Variants in DGKB observed in about 807,000 individuals in gnomAD.
DGKB encodes the protein 90 kDa diacylglycerol kinase.
DGKB carries 67 observed loss-of-function variants against 114.3 expected under a neutral mutation model. That is an observed-to-expected ratio of 0.59 (90% confidence interval 0.48 to 0.72). The LOEUF (loss-of-function observed/expected upper bound fraction) is 0.72, where lower values mean the gene tolerates loss of function less well. DGKB is among the 30% of genes least tolerant of loss of function. DGKB has a pLI of 0.00. For missense variants in DGKB, 907 were observed against 975.2 expected (o/e 0.93, Z 0.93); for synonymous variants, 398 against 323.1 (o/e 1.23, Z -2.49).
intron 1 of DGKB, among the ~76,000 whole-genome samples, chr7:14,916,371 T>C (rs754808224): frequency 1.3e-5 from 2 of 152,214 alleles, no homozygotes; most frequent in South Asian, 4.1e-4. Flanking sequence ...ATTTTTAATA[T>C]GATTGATCTA....
At chr7:14,694,348 G>T (rs545393029) in intron 8 of DGKB, among the ~76,000 whole-genome samples, 154 bp from the exon 9 acceptor site, 1 of 152,182 alleles carries the variant, frequency 6.6e-6, no homozygotes, top group African/African-American at 2.4e-5. Flanking sequence ...CTGATGAAGA[G>T]CGACTTTGTT....
chr7:14,247,865 T>A (rs1406495733), intron 23 of DGKB, among the ~76,000 whole-genome samples: 1 of 152,146 alleles, frequency 6.6e-6, no homozygotes, highest in Non-Finnish European at 1.5e-5. Flanking sequence ...ATATCACTTG[T>A]CTATTTTTGT....
upstream of DGKB, chr7:14,903,428 G>A (rs1390290964): frequency 6.6e-6 from 1 of 152,260 alleles, no homozygotes; most frequent in Non-Finnish European, 1.5e-5. Context: ...GGGAGGAGAC[G>A]GTGCAGGTGA....
intron 23 of DGKB, among the ~76,000 whole-genome samples, chr7:14,245,472 C>G (rs1794334011): frequency 1.3e-5 from 2 of 152,126 alleles, no homozygotes. Flanking sequence ...GAGGTAGATT[C>G]TAGCCAAGAG....
At chr7:14,919,095 A>ACACACACACAAAC (rs1554345122) in intron 1 of DGKB, among the ~76,000 whole-genome samples, 32 of 114,966 alleles carry the variant, frequency 2.8e-4, no homozygotes, top group African/African-American at 1.0e-3. Context: ...CACACACACA[A>ACACACACACAAAC]ACACACACAC....
chr7:14,955,013 G>C lies in DGKB; in HGVS notation c.-188+19683C>G, dbSNP rs1562901453. On this transcript the variant is annotated intron_variant, in intron 1 of 4. Transcript: ENST00000437998. The stretch of plus-strand genomic sequence containing the variant: ...GATTTGGAAAAGGAAGAGTACAATA[G>C]AGGAGACAAGAGAATCAGCTAAGGA... 3.3e-5 allele frequency among the ~76,000 whole-genome samples: 5 copies of C among 152,164 alleles called. No homozygotes were observed. The South Asian group carries it at 8.3e-4, about 25-fold the overall frequency.
chr7:14,787,725 TC>T (rs1210872675), intron 2 of DGKB, among the ~76,000 whole-genome samples: 2 of 152,198 alleles, frequency 1.3e-5, no homozygotes, highest in South Asian at 2.1e-4. Context: ...TTGAGAGGCC[TC>T]CCTCCTCCAG....
intron 21 of DGKB, among the ~76,000 whole-genome samples, chr7:14,475,695 CA>C (rs1414534983): frequency 1.3e-5 from 2 of 151,954 alleles, no homozygotes; most frequent in African/African-American, 4.8e-5. Context: ...ATTCATGACT[CA>C]AATTTGCAAA....
chr7:14,229,255 A>G (rs995398322), intron 23 of DGKB, among the ~76,000 whole-genome samples: 2 of 151,968 alleles, frequency 1.3e-5, no homozygotes, highest in African/African-American at 4.8e-5. Context: ...GCTCAACAAC[A>G]GGGATACATT....
At chr7:14,880,892 G>T (rs1356960505) in intron 1 of DGKB, among the ~76,000 whole-genome samples, 4 of 151,880 alleles carry the variant, frequency 2.6e-5, no homozygotes, top group Non-Finnish European at 4.4e-5. Context: ...ATGTTTATTT[G>T]CTCGTTTCCA....
chr7:14,298,133 A>T (rs1423512926), intron 23 of DGKB, among the ~76,000 whole-genome samples: 2 of 152,200 alleles, frequency 1.3e-5, no homozygotes, highest in Non-Finnish European at 2.9e-5. Flanking sequence ...ATACTGCCCA[A>T]AGTAATTTAT....
intron 23 of DGKB, among the ~76,000 whole-genome samples, chr7:14,275,588 T>C (rs936132149): frequency 2.0e-5 from 3 of 152,182 alleles, no homozygotes; most frequent in Non-Finnish European, 2.9e-5. Context: ...TAGCGCCAAT[T>C]CACATAGGGT....
chr7:14,634,648 A>G (rs767771710), intron 13 of DGKB, among the ~76,000 whole-genome samples: 22 of 151,550 alleles, frequency 1.5e-4, no homozygotes, highest in Non-Finnish European at 2.4e-4. Flanking sequence ...AGAGACAGAG[A>G]AAAAAAACTA....
rs1824510281 is a variant in DGKB, at chr7:14,409,535, G to A, written c.1836-64144C>T. The stretch of plus-strand genomic sequence containing the variant: ...ATCCTGGCTAACAAGGTGAAACCCC[G>A]TCTCTACTAAAAATACAAAAAATTA... On this transcript the variant is annotated intron_variant, in intron 21 of 25. Transcript: ENST00000402815. Among the ~76,000 whole-genome samples the A allele has an allele frequency of 4.4e-5, 2 of 45,122 alleles. 1 individual carries two copies. Among genetic ancestry groups the A allele is most frequent in the Non-Finnish European group, 1.2e-4 (2 of 16,278 alleles). The allele number at this position is 45,122 out of a possible 152,430, so 29.6% of individuals were successfully genotyped here.
intron 4 of DGKB, among the ~76,000 whole-genome samples, chr7:14,747,775 G>GCGCGCGCGCA: frequency 5.9e-4 from 88 of 149,278 alleles, no homozygotes; most frequent in African/African-American, 1.9e-3. Flanking sequence ...ACATCCACGC[G>GCGCGCGCGCA]CACGCACACA....
intron 1 of DGKB, among the ~76,000 whole-genome samples, chr7:14,971,928 T>TATA (rs1317477015): frequency 6.6e-6 from 1 of 152,084 alleles, no homozygotes; most frequent in East Asian, 1.9e-4. Context: ...GTACTTTTAG[T>TATA]AGAGATGGGG....
At chr7:14,408,741 C>T (rs1583710279) in intron 21 of DGKB, among the ~76,000 whole-genome samples, 1 of 151,884 alleles carries the variant, frequency 6.6e-6, no homozygotes, top group Non-Finnish European at 1.5e-5. Flanking sequence ...ATACAGTTGG[C>T]CCTTGAACAA....
intron 1 of DGKB, among the ~76,000 whole-genome samples, chr7:14,909,904 A>C (rs1783894808): frequency 6.6e-6 from 1 of 152,092 alleles, no homozygotes; most frequent in Non-Finnish European, 1.5e-5. Context: ...ATGATGCTTT[A>C]AATAATCAAA....
chr7:14,954,154 A>T (rs1040289940), intron 1 of DGKB, among the ~76,000 whole-genome samples: 2 of 152,052 alleles, frequency 1.3e-5, no homozygotes, highest in Non-Finnish European at 2.9e-5. Flanking sequence ...CTGTTTGCCT[A>T]AGTCAATAAC....
Sources: gnomAD v4.1 joint callset for allele counts (sites outside exome capture counted in the v4.1 genomes callset) on GRCh38, gnomAD v4.1.1 for gene constraint, MANE v1.5 for transcripts, NCBI Gene and HGNC (gene_info 2026-07-23, HGNC 2026-07-21) for gene names.